The following ZNF398 variants were observed in gnomAD, a reference collection of about 807,000 sequenced individuals.
ZNF398 encodes zinc finger DNA binding protein ZER6.
Under a neutral mutation model 41.9 loss-of-function variants are expected in ZNF398, and 18 were observed. That is an observed-to-expected ratio of 0.43 (90% CI 0.30 to 0.64). The LOEUF (loss-of-function observed/expected upper bound fraction) is 0.64, where lower values mean the gene tolerates loss of function less well. Among genes scored for constraint, ZNF398 ranks in the 30% least tolerant of loss-of-function variants. ZNF398 has a pLI of 0.14. For missense variants in ZNF398, 669 were observed against 822.8 expected, an observed-to-expected ratio of 0.81 and a Z score of 2.29; for synonymous variants, 260 against 308.8, an observed-to-expected ratio of 0.84 and a Z score of 1.66.
chr7:149,154,454 C>T (rs1794928300), intron 2 of ZNF398, 114 bp downstream of exon 2: 1 of 1,219,844 alleles, frequency 8.2e-7, no homozygotes, highest in Non-Finnish European at 1.1e-6. Flanking sequence ...CTTAAAATAT[C>T]TCAGTCTGAA....
rs770779836 is a variant in ZNF398, at chr7:149,179,757, A to G, written c.1885A>G (p.Thr629Ala). ...GGGTGTCAACACTGAAGGTCTAGAG[A>G]CCAACCAGTGGTATGGGGAAGGGAG... The part of the protein sequence containing the change: ...GLGVNTEGLE[T>A]NQWYGEGSGG... The change falls in exon 6 of 6, where the codon ACC becomes GCC. Residue 629 changes from threonine (T) to alanine (A), a missense_variant. Thr to Ala is a moderately conservative substitution (Grantham distance 58). This residue lies in a region of ZNF398 where 210 missense variants were observed against 290.4 expected (regional missense o/e 0.72). Transcript: ENST00000475153. This position sits in a 1 kb window ranked among gnomAD's most constrained non-coding sequence, Gnocchi z 6.1. 11 of 1,608,834 alleles carry G rather than the reference A, an allele frequency of 6.8e-6. No individual in the cohort carries two copies. Among genetic ancestry groups the G allele is most frequent in the Non-Finnish European group, 8.5e-6 (10 of 1,176,926 alleles).
chr7:149,151,571 G>A (rs1827114405), intron 1 of ZNF398, among the ~76,000 whole-genome samples: 1 of 151,786 alleles, frequency 6.6e-6, no homozygotes, highest in African/African-American at 2.4e-5. Context: ...AAATTATTTT[G>A]GAGCAGCCTT....
chr7:149,132,071 A>G (rs1316463649), intron 2 of ZNF398, among the ~76,000 whole-genome samples: 1 of 152,182 alleles, frequency 6.6e-6, no homozygotes, highest in Non-Finnish European at 1.5e-5. Flanking sequence ...TTTATAGAAT[A>G]CGTTCCTAGA....
chr7:149,173,143 C>T lies in ZNF398; in HGVS notation c.662-3325C>T, dbSNP rs10242324. Reference sequence around the variant, plus strand: ...TTTTTGAGACAGAGTCCTGCTCTGTCGCCCAGACTGGGGTGCAGTGGCACG... The same window carrying T: ...TTTTTGAGACAGAGTCCTGCTCTGTTGCCCAGACTGGGGTGCAGTGGCACG... On this transcript the variant is annotated intron_variant, in intron 4 of 5. Transcript: ENST00000475153. Among the ~76,000 whole-genome samples, 1,373 of 141,944 alleles carry T rather than the reference C, an allele frequency of 9.7e-3. 28 individuals are homozygous for T. The highest frequency in any genetic ancestry group is 0.035 in the African/African-American group (1,289 of 37,156). 93.1% of individuals were successfully genotyped at this position (141,944 alleles called of 152,430 possible).
Position 149,129,403 on chromosome 7 carries a change from G to A in ZNF398, c.-490+459G>A, listed in dbSNP as rs540487800. Reference sequence around the variant, plus strand: ...TTTTTTATTGTTATTTTTTTGAGACGGAGTCTTGCTCTGTTGCCCAGGCTA... The same window carrying A: ...TTTTTTATTGTTATTTTTTTGAGACAGAGTCTTGCTCTGTTGCCCAGGCTA... On this transcript the variant is annotated intron_variant, in intron 2 of 6. Transcript: ENST00000426851. Among the ~76,000 whole-genome samples the A allele has an allele frequency of 2.2e-4, 34 of 151,918 alleles. No individual in the cohort carries two copies. The East Asian group carries it at 2.3e-3, about 10-fold the overall frequency.
chr7:149,165,291 G>C (rs528790982), intron 2 of ZNF398, among the ~76,000 whole-genome samples: 1 of 152,248 alleles, frequency 6.6e-6, no homozygotes, highest in African/African-American at 2.4e-5. Flanking sequence ...AGTCTAACTA[G>C]AAGTCAAAAA....
Position 149,179,360 on chromosome 7 carries a change from G to A in ZNF398, c.1488G>A (p.Ser496=), listed in dbSNP as rs558835709. The change falls in exon 6 of 6, where the codon TCG becomes TCA. Residue 496 remains serine, a synonymous_variant. Coordinates refer to ENST00000475153, the MANE Select transcript of ZNF398 (RefSeq NM_170686.3). The surrounding 1 kb of genome is among the most constrained non-coding windows in gnomAD (Gnocchi z 6.1). ...GTGGCATTGACTTCAACGGCCACTC[G>A]GCCCTGATCCGCCACCAGATGATCC... is the stretch of plus-strand genomic sequence containing the variant. ...PQCGIDFNGH[S]ALIRHQMIHT... The A allele has an allele frequency of 8.7e-6, 14 of 1,611,980 alleles. No homozygotes were observed. The highest frequency in any genetic ancestry group is 1.0e-5 in the Non-Finnish European group (12 of 1,179,610).
intron 2 of ZNF398, among the ~76,000 whole-genome samples, chr7:149,156,690 C>A (rs1011067604): frequency 6.6e-6 from 1 of 151,148 alleles, no homozygotes; most frequent in Non-Finnish European, 1.5e-5. Context: ...GAAACCCCAT[C>A]TCTACTAAAT....
chr7:149,155,758 A>G (rs1257865828), intron 2 of ZNF398, among the ~76,000 whole-genome samples: 1 of 119,590 alleles, frequency 8.4e-6, no homozygotes, highest in Non-Finnish European at 1.6e-5. Context: ...ATGGAGTCTC[A>G]CTCTGTTGCC....
chr7:149,149,004 C>G (rs1410812375), intron 1 of ZNF398, among the ~76,000 whole-genome samples: 1 of 149,698 alleles, frequency 6.7e-6, no homozygotes, highest in African/African-American at 2.5e-5. Flanking sequence ...CTAGGCGTCA[C>G]GTTTAAAAAG....
At chr7:149,161,728 G>T (rs1398587913) in intron 2 of ZNF398, among the ~76,000 whole-genome samples, 4 of 151,344 alleles carry the variant, frequency 2.6e-5, no homozygotes, top group African/African-American at 9.7e-5. Context: ...AAAAACTTCA[G>T]CTCCTGCTTG....
intron 2 of ZNF398, among the ~76,000 whole-genome samples, chr7:149,157,615 G>T (rs969156154): frequency 6.6e-6 from 1 of 151,730 alleles, no homozygotes; most frequent in Non-Finnish European, 1.5e-5. Flanking sequence ...CAAGGCAGGC[G>T]TATCACGAGG....
At chr7:149,172,185 G>A (rs4727027) in intron 4 of ZNF398, among the ~76,000 whole-genome samples, 81,517 of 151,998 alleles carry the variant, frequency 0.54, 25,177 homozygotes, top group East Asian at 0.92. Flanking sequence ...TTTATTGATG[G>A]TATCGTTTTC....
chr7:149,173,652 AT>A (rs1171438627), intron 4 of ZNF398, among the ~76,000 whole-genome samples: 1 of 151,912 alleles, frequency 6.6e-6, no homozygotes, highest in Non-Finnish European at 1.5e-5. Flanking sequence ...TTTGAAAGGA[AT>A]TTTTTCTTCT....
At chr7:149,149,881 C>T (rs944141905) in intron 1 of ZNF398, among the ~76,000 whole-genome samples, 6 of 151,984 alleles carry the variant, frequency 3.9e-5, no homozygotes, top group African/African-American at 1.5e-4. Flanking sequence ...TCTTCAAAGT[C>T]TCGTGTATTT....
intron 2 of ZNF398, among the ~76,000 whole-genome samples, chr7:149,140,574 G>C (rs1467919330): frequency 6.6e-6 from 1 of 152,028 alleles, no homozygotes; most frequent in Admixed American, 6.6e-5. Flanking sequence ...AGTAGAGACG[G>C]GGTTTCATCA....
At chr7:149,127,274 G>A (rs928216628) in intron 1 of ZNF398, among the ~76,000 whole-genome samples, 1 of 135,340 alleles carries the variant, frequency 7.4e-6, no homozygotes, top group African/African-American at 2.5e-5. Context: ...TGAAAAGTGT[G>A]TAGTTAGAAA....
Position 149,154,064 on chromosome 7 carries a change from C to T in ZNF398, c.144C>T (p.Ala48=), listed in dbSNP as rs766467921. The T allele has an allele frequency of 1.8e-5, 29 of 1,614,014 alleles. No homozygotes were observed. Among genetic ancestry groups the T allele is most frequent in the Middle Eastern group, 3.3e-4 (2 of 6,084 alleles). The part of the protein sequence containing the change: ...TAAISLWTVV[A]AVQAIERKVE... ...CTATCTCTCTGTGGACAGTGGTGGC[C>T]GCCGTGCAGGCTATAGAGAGGAAGG... Residue 48 remains alanine (A), a synonymous_variant, in exon 2 of 6, where the codon GCC becomes GCT. Coordinates refer to ENST00000475153, the MANE Select transcript of ZNF398 (RefSeq NM_170686.3).
chr7:149,141,338 C>T (rs1406303201), intron 2 of ZNF398, among the ~76,000 whole-genome samples: 1 of 150,950 alleles, frequency 6.6e-6, no homozygotes, highest in African/African-American at 2.4e-5. Context: ...TCTTGTGGCC[C>T]AGGCTGGAAT....
Sources: allele counts gnomAD v4.1 joint callset (sites outside exome capture counted in the v4.1 genomes callset), GRCh38; gene constraint gnomAD v4.1.1; regional missense constraint gnomAD v4.1.1; non-coding constraint Gnocchi (gnomAD v3.1); transcripts MANE v1.5; gene names NCBI Gene and HGNC (gene_info 2026-07-23, HGNC 2026-07-21).